Variants in SUPT6H observed in about 807,000 individuals in gnomAD.
SUPT6H encodes the protein SPT6 homolog, histone chaperone and transcription elongation factor.
Under a neutral mutation model 222.3 loss-of-function variants are expected in SUPT6H, and 11 were observed. The observed-to-expected ratio is 0.05, with a 90% CI of 0.03 to 0.08. SUPT6H has a LOEUF of 0.08. Among genes scored for constraint, SUPT6H ranks in the 10% least tolerant of loss-of-function variants. The pLI, the probability that SUPT6H is intolerant of heterozygous loss-of-function variation, is 1.00. For missense variants in SUPT6H, 1,422 were observed against 2,216.0 expected (o/e 0.64, Z 7.19); for synonymous variants, 762 against 801.2 (o/e 0.95, Z 0.83).
intron 28 of SUPT6H, 60 bp downstream of exon 28, chr17:28,693,896 T>A: frequency 6.2e-7 from 1 of 1,608,814 alleles, no homozygotes; most frequent in East Asian, 2.2e-5. Context: ...ATCAGGTCTC[T>A]TTAACTTTGG....
chr17:28,681,025 G>A (rs1327975159), intron 11 of SUPT6H: 6 of 470,464 alleles, frequency 1.3e-5, no homozygotes, highest in African/African-American at 8.1e-5. Context: ...GTCACAGTTC[G>A]CGGCAGCCTC....
At chr17:28,686,298 C>T in intron 19 of SUPT6H, 41 bp from the exon 20 acceptor site, 1 of 1,568,152 alleles carries the variant, frequency 6.4e-7, no homozygotes, top group East Asian at 2.2e-5. Context: ...GAAATCTTTA[C>T]ATCCTCAGAG....
At chr17:28,667,851 A>T (rs908966534) in intron 1 of SUPT6H, among the ~76,000 whole-genome samples, 14 of 151,808 alleles carry the variant, frequency 9.2e-5, no homozygotes, top group Non-Finnish European at 1.9e-4. Context: ...CCACCGGGGT[A>T]GGAAGCATAT....
chr17:28,700,657 C>A, intron 35 of SUPT6H, 145 bp downstream of exon 35: 1 of 1,195,580 alleles, frequency 8.4e-7, no homozygotes, highest in Non-Finnish European at 1.2e-6. Flanking sequence ...TGTCCTTAGG[C>A]CCATTTGAAG....
In SUPT6H at chr17:28,701,510, G is replaced by A. The variant is rs2032133750; in HGVS notation, c.5066G>A (p.Arg1689Gln). ...EQWLQEKEAE[R>Q]RKQKQRLTPR... Reference sequence around the variant, plus strand: ...TGGCTGCAGGAAAAGGAGGCAGAACGGCGGAAACAGAAGCAGCGGCTGACA... The same window carrying A: ...TGGCTGCAGGAAAAGGAGGCAGAACAGCGGAAACAGAAGCAGCGGCTGACA... The change falls in exon 37 of 37, where the codon CGG becomes CAG. Residue 1689 changes from arginine to glutamine, a missense_variant. By Grantham distance (43) the Arg-to-Gln change is conservative (BLOSUM62 1). This residue lies in a region of SUPT6H where 395 missense variants were observed against 580.6 expected (regional missense o/e 0.68). Transcript: ENST00000314616. 5 of 1,614,128 alleles carry A rather than the reference G, an allele frequency of 3.1e-6. No homozygotes were observed. Among genetic ancestry groups the A allele is most frequent in the South Asian group, 2.2e-5 (2 of 91,082 alleles).
At chr17:28,684,524 T>A in intron 17 of SUPT6H, 62 bp from the exon 18 acceptor site, 1 of 1,600,786 alleles carries the variant, frequency 6.2e-7, no homozygotes, top group Non-Finnish European at 8.6e-7. Flanking sequence ...ATAGCACTCT[T>A]GGTGAGCCTG....
At chr17:28,678,787 C>A (rs1413174901) in intron 10 of SUPT6H, 34 bp from the exon 11 acceptor site, 1 of 1,614,048 alleles carries the variant, frequency 6.2e-7, no homozygotes. Context: ...CAGGGCTGAA[C>A]ACAAGCTCTC....
At chr17:28,693,617 A>G (rs1228487967) in intron 27 of SUPT6H, 79 bp from the exon 28 acceptor site, 3 of 1,551,450 alleles carry the variant, frequency 1.9e-6, no homozygotes, top group South Asian at 2.3e-5. Flanking sequence ...AGAAATTACA[A>G]CACCTCTGGG....
intron 10 of SUPT6H, 41 bp from the exon 11 acceptor site, chr17:28,678,780 G>A (rs1451587523): frequency 1.9e-5 from 30 of 1,613,992 alleles, no homozygotes; most frequent in Non-Finnish European, 2.5e-5. Context: ...GAGTCTCCAG[G>A]GCTGAACACA....
chr17:28,678,265 A>G, intron 9 of SUPT6H, 73 bp downstream of exon 9: 1 of 1,364,192 alleles, frequency 7.3e-7, no homozygotes, highest in South Asian at 1.2e-5. Flanking sequence ...TAATTACCTA[A>G]ATGAGGTGGG....
Position 28,696,872 on chromosome 17 carries a change from A to G in SUPT6H, c.3999A>G (p.Pro1333=), listed in dbSNP as rs144017380. Residue 1333 remains proline (P), a synonymous_variant, in exon 30 of 37, where the codon CCA becomes CCG. Transcript: ENST00000314616. ...ACATCAAGAGAGTGATCGCACACCC[A>G]TCCTTCCATAATATCAATTTCAAGC... The part of the protein sequence containing the change: ...TTYIKRVIAH[P]SFHNINFKQA... The G allele has an allele frequency of 1.2e-6, 2 of 1,613,866 alleles. No homozygotes were observed. Among genetic ancestry groups the G allele is most frequent in the African/African-American group, 2.7e-5 (2 of 74,832 alleles).
At position 28,693,686 on chromosome 17, in the gene SUPT6H, C is replaced by T; in HGVS notation, c.3634-10C>T. On this transcript the variant is annotated splice_polypyrimidine_tract_variant and intron_variant, in intron 27 of 36. Coordinates refer to ENST00000314616, the MANE Select transcript of SUPT6H (RefSeq NM_003170.5). The stretch of plus-strand genomic sequence containing the variant: ...TGATAATCAAGCTCTTCTCCTCATG[C>T]CCTCTTCAGGTGTGGAACCACTTTG... The T allele has an allele frequency of 6.2e-7, 1 of 1,614,194 alleles. No individual in the cohort carries two copies. Among genetic ancestry groups the T allele is most frequent in the Non-Finnish European group, 8.5e-7 (1 of 1,180,014 alleles).
At chr17:28,664,273 C>G (rs549072087) in intron 1 of SUPT6H, among the ~76,000 whole-genome samples, 1 of 152,088 alleles carries the variant, frequency 6.6e-6, no homozygotes, top group Non-Finnish European at 1.5e-5. Context: ...TTTGGGAGGT[C>G]GAGGTGGGCA....
At chr17:28,698,164 G>A in intron 32 of SUPT6H, 134 bp downstream of exon 32, 1 of 1,249,124 alleles carries the variant, frequency 8.0e-7, no homozygotes, top group Non-Finnish European at 1.1e-6. Context: ...GAACAGAGGT[G>A]GAGGTTGGAG....
chr17:28,682,954 T>C lies in SUPT6H; in HGVS notation c.1740T>C (p.Thr580=), dbSNP rs762555073. The change falls in exon 15 of 37, where the codon ACT becomes ACC. Residue 580 remains threonine, a synonymous_variant. Transcript: ENST00000314616. ...AKDYVCSQFP[T]PEAVLEGARY... ...ATTTTCCCCACAGCCAGTTCCCTAC[T>C]CCAGAAGCTGTGCTAGAAGGCGCCC... The C allele has an allele frequency of 6.2e-7, 1 of 1,612,300 alleles. No homozygotes were observed. Among genetic ancestry groups the C allele is most frequent in the Non-Finnish European group, 8.5e-7 (1 of 1,179,030 alleles).
In SUPT6H at chr17:28,673,523, C is replaced by G. The variant is rs1389093095; in HGVS notation, c.109+13C>G. 5 of 1,573,584 alleles carry G rather than the reference C, an allele frequency of 3.2e-6. No homozygotes were observed. The highest frequency in any genetic ancestry group is 3.3e-5 in the Admixed American group (2 of 59,760). ...GAGGAGGATGATGGTGAGGAGGCCC[C>G]AGCCTCAAGCTTCTCCCCACTATTG... On this transcript the variant is annotated intron_variant, in intron 2 of 36. Transcript: ENST00000314616.
chr17:28,683,608 T>C lies in SUPT6H; in HGVS notation c.2034-13T>C, dbSNP rs921593694. ...CTCCATTCCTGACACCATAGCTTTG[T>C]GTCTCTTCTCAGCTATGGCAACGAC... On this transcript the variant is annotated splice_polypyrimidine_tract_variant and intron_variant, in intron 16 of 36. Coordinates refer to ENST00000314616, the MANE Select transcript of SUPT6H (RefSeq NM_003170.5). The C allele has an allele frequency of 9.9e-6, 16 of 1,612,372 alleles. No individual in the cohort carries two copies. Among genetic ancestry groups the C allele is most frequent in the Non-Finnish European group, 1.3e-5 (15 of 1,178,620 alleles).
chr17:28,663,292 C>T lies in SUPT6H; in HGVS notation c.-32+950C>T, dbSNP rs552854711. Among the ~76,000 whole-genome samples, 3 of 152,288 alleles carry T rather than the reference C, an allele frequency of 2.0e-5. No homozygotes were observed. In the South Asian group the frequency reaches 6.2e-4, roughly 32 times the overall value. ...TCTTCCATCAGCTGTGAATTTAGAG[C>T]CCTTTTTTACGAGTAATGTCCCTTT... On this transcript the variant is annotated intron_variant, in intron 1 of 36. Coordinates refer to ENST00000314616, the MANE Select transcript of SUPT6H (RefSeq NM_003170.5).
chr17:28,663,827 C>CCTTTTTTTTTT (rs1567681347), intron 1 of SUPT6H, among the ~76,000 whole-genome samples: 3 of 8,410 alleles, frequency 3.6e-4, no homozygotes, highest in African/African-American at 1.0e-3. Context: ...CTGCCCACTC[C>CCTTTTTTTTTT]ATTTTTTTTT....
Sources: allele counts gnomAD v4.1 joint callset (sites outside exome capture counted in the v4.1 genomes callset), GRCh38; gene constraint gnomAD v4.1.1; regional missense constraint gnomAD v4.1.1; transcripts MANE v1.5; gene names NCBI Gene and HGNC (gene_info 2026-07-23, HGNC 2026-07-21).